ZNF668: variants seen among roughly 807,000 people sequenced by gnomAD.
The protein encoded by ZNF668 is zinc finger protein 668.
A neutral mutation model predicts 40.3 loss-of-function variants in ZNF668; 10 were observed. The observed-to-expected ratio is 0.25, with a 90% CI of 0.15 to 0.42. The LOEUF (loss-of-function observed/expected upper bound fraction) is 0.42. Ranked by LOEUF, ZNF668 falls within the 10% of genes least tolerant of loss-of-function variation. The probability of loss-of-function intolerance (pLI) is 1.00; values close to 1 mark genes in which losing one functional copy is unlikely to be tolerated. For synonymous variants in ZNF668, 428 were observed against 384.6 expected, an observed-to-expected ratio of 1.11 and a Z score of -1.32; for missense variants, 749 against 904.6, an observed-to-expected ratio of 0.83 and a Z score of 2.21.
rs2056933365 is a variant in ZNF668 at position 31,062,082 on chromosome 16, G to A, written c.846C>T (p.Cys282=). The part of the protein sequence containing the change: ...RTHSGEKPFL[C]PRCGRMFSDP... ...CGGAGAACATGCGGCCGCAGCGCGG[G>A]CACAGGAAGGGCTTCTCCCCCGAGT... The change falls in exon 3 of 3, where the codon TGC becomes TGT. Residue 282 remains cysteine (C), a synonymous_variant. Coordinates refer to ENST00000300849, the MANE Select transcript of ZNF668 (RefSeq NM_024706.5). The A allele has an allele frequency of 1.2e-6, 2 of 1,612,676 alleles. No individual in the cohort carries two copies. Among genetic ancestry groups the A allele is most frequent in the Non-Finnish European group, 8.5e-7 (1 of 1,179,510 alleles).
rs1275476087 is a variant in ZNF668, at chr16:31,061,061, A to T, written c.*7T>A. On this transcript the variant is annotated 3_prime_UTR_variant, in exon 3 of 3. Transcript: ENST00000300849. This position sits in a 1 kb window ranked among gnomAD's most constrained non-coding sequence, Gnocchi z 7.7. ...TCCCGGAGTGTGGTGCTGGGGGGTC[A>T]TGGGCTTCAGGCCGGCCCCTCTTCA... 6.7e-7 allele frequency: 1 copy of T among 1,486,676 alleles called. No individual in the cohort carries two copies. The highest frequency in any genetic ancestry group is 8.9e-7 in the Non-Finnish European group (1 of 1,120,742). The allele number at this position is 1,486,676 out of a possible 1,614,324, so 92.1% of individuals were successfully genotyped here.
intron 1 of ZNF668, chr16:31,065,192 T>C: frequency 1.1e-6 from 1 of 950,194 alleles, no homozygotes; most frequent in Non-Finnish European, 1.3e-6. Context: ...GAAGCCTCTT[T>C]CTGAGTCATA....
At chr16:31,072,761 G>A (rs2057024924) in intron 1 of ZNF668, 1 of 152,404 alleles carries the variant, frequency 6.6e-6, no homozygotes, top group African/African-American at 2.4e-5. Context: ...CAGCTCCAGC[G>A]ACAGAGTCCT....
At chr16:31,066,245 C>G in intron 1 of ZNF668, 2 of 985,458 alleles carry the variant, frequency 2.0e-6, no homozygotes, top group African/African-American at 1.7e-5. Flanking sequence ...ATGCAAATCC[C>G]CAGGTCCTTC....
In ZNF668 at chr16:31,061,335, C is replaced by T. The variant is rs760791449; in HGVS notation, c.1593G>A (p.Leu531=). 4.4e-6 allele frequency: 7 copies of T among 1,603,378 alleles called. No individual in the cohort carries two copies. In the African/African-American group the frequency reaches 6.7e-5, roughly 15 times the overall value. ...CCGGGTGTGAGCGCTCGTGCCGACG[C>T]AGCAGCGTCATTGTGGAGAAGGTCT... ...CKETFSTMTL[L]RRHERSHPEL... The change falls in exon 3 of 3, where the codon CTG becomes CTA. Residue 531 remains leucine, a synonymous_variant. Coordinates refer to ENST00000300849, the MANE Select transcript of ZNF668 (RefSeq NM_024706.5). This position sits in a 1 kb window ranked among gnomAD's most constrained non-coding sequence, Gnocchi z 7.7.
intron 1 of ZNF668, among the ~76,000 whole-genome samples, chr16:31,071,197 G>A (rs2057014154): frequency 6.8e-6 from 1 of 146,408 alleles, no homozygotes; most frequent in Admixed American, 6.7e-5. Flanking sequence ...TTGAGAGAAA[G>A]TCTTTGTTGC....
At chr16:31,072,328 C>T (rs527284687) in intron 1 of ZNF668, among the ~76,000 whole-genome samples, 1 of 152,310 alleles carries the variant, frequency 6.6e-6, no homozygotes, top group South Asian at 2.1e-4. Context: ...TAGCCTCTGC[C>T]TCCTCCACAG....
At chr16:31,063,551 A>G (rs1186644534) in intron 2 of ZNF668, among the ~76,000 whole-genome samples, 1 of 151,468 alleles carries the variant, frequency 6.6e-6, no homozygotes, top group East Asian at 1.9e-4. Context: ...CCAACTCCAA[A>G]CCCCGCCCCC....
chr16:31,066,511 C>A (rs925891318), intron 1 of ZNF668: 1 of 330,520 alleles, frequency 3.0e-6, no homozygotes, highest in Admixed American at 6.5e-5. Context: ...GAACTATGAT[C>A]GTACCACTGC....
At chr16:31,068,215 A>C (rs1596756998) in intron 1 of ZNF668, among the ~76,000 whole-genome samples, 2 of 78,718 alleles carry the variant, frequency 2.5e-5, no homozygotes, top group African/African-American at 5.4e-5. Context: ...CTAACATCCC[A>C]CCATTAAAAA....
intron 1 of ZNF668, chr16:31,064,758 AC>A: frequency 6.6e-7 from 1 of 1,506,514 alleles, no homozygotes. Flanking sequence ...GCTTTTCCAA[AC>A]ACTGTGGCAT....
intron 1 of ZNF668, chr16:31,065,124 C>T (rs2056971805): frequency 9.9e-7 from 1 of 1,006,990 alleles, no homozygotes; most frequent in Admixed American, 5.2e-5. Flanking sequence ...TTGGCCTGTT[C>T]CCACAACTCT....
At chr16:31,066,519 T>C (rs935998995) in intron 1 of ZNF668, among the ~76,000 whole-genome samples, 1 of 152,138 alleles carries the variant, frequency 6.6e-6, no homozygotes, top group Non-Finnish European at 1.5e-5. Context: ...ATCGTACCAC[T>C]GCGCTCCAGC....
At chr16:31,068,189 T>G (rs1321921214) in intron 1 of ZNF668, among the ~76,000 whole-genome samples, 2 of 126,746 alleles carry the variant, frequency 1.6e-5, no homozygotes, top group Non-Finnish European at 3.1e-5. Flanking sequence ...AGAGGCCAGG[T>G]AGGCTAGGTC....
intron 2 of ZNF668, 52 bp from the exon 3 acceptor site, chr16:31,062,332 C>A: frequency 6.5e-7 from 1 of 1,536,510 alleles, no homozygotes; most frequent in East Asian, 2.3e-5. Flanking sequence ...ATAACGTGAC[C>A]CCACTGCCTG....
rs1420760213 is a variant in ZNF668, at chr16:31,064,261, C to G, written c.199G>C (p.Glu67Gln). Residue 67 changes from glutamate (E) to glutamine (Q), a missense_variant, in exon 2 of 3, where the codon GAG (glutamate) becomes CAG (glutamine). Glu to Gln is a conservative substitution (Grantham distance 29). Coordinates refer to ENST00000300849, the MANE Select transcript of ZNF668 (RefSeq NM_024706.5). ...KPKPETEAKA[E>Q]EASGEKVSGS... The stretch of plus-strand genomic sequence containing the variant: ...GACACCTTCTCCCCACTGGCTTCCT[C>G]TGCCTTAGCTTCTGTCTCTGGCTTT... 1 of 1,613,758 alleles carries G rather than the reference C, an allele frequency of 6.2e-7. No homozygotes were observed. The highest frequency in any genetic ancestry group is 8.5e-7 in the Non-Finnish European group (1 of 1,180,030).
Position 31,061,286 on chromosome 16 carries a change from G to T in ZNF668, c.1642C>A (p.Gln548Lys). The change falls in exon 3 of 3, where the codon CAG becomes AAG. Residue 548 changes from glutamine to lysine, a missense_variant. By Grantham distance (53) the Gln-to-Lys change is moderately conservative (BLOSUM62 1). This residue lies in a region of ZNF668 where 310 missense variants were observed against 355.1 expected (regional missense o/e 0.87). Transcript: ENST00000300849. The surrounding 1 kb of genome is among the most constrained non-coding windows in gnomAD (Gnocchi z 7.7). ...HPELRPFPCT[Q>K]CGKSFSDRAG... ...CGGTCAGAGAAGCTCTTGCCGCACT[G>T]GGTGCAGGGGAAGGGCCGGAGCTCC... The T allele has an allele frequency of 6.4e-7, 1 of 1,562,686 alleles. No individual in the cohort carries two copies. Among genetic ancestry groups the T allele is most frequent in the African/African-American group, 1.4e-5 (1 of 73,760 alleles).
rs1251115162 is a variant in ZNF668 at position 31,061,990 on chromosome 16, C to T, written c.938G>A (p.Cys313Tyr). Reference protein sequence around the residue: ...EGVKPYHCEKCGKDFRQPADL... With the variant: ...EGVKPYHCEKYGKDFRQPADL... ...CGCCGGCTGCCGGAAGTCCTTGCCG[C>T]ACTTCTCGCAGTGGTATGGCTTCAC... is the stretch of plus-strand genomic sequence containing the variant. The change falls in exon 3 of 3, where the codon TGC becomes TAC. Residue 313 changes from cysteine to tyrosine, a missense_variant. Cys to Tyr is a radical substitution (Grantham distance 194). Around this residue, in one of 4 missense-constraint regions of ZNF668, gnomAD observed 129 missense variants for 231.2 expected, o/e 0.56. Coordinates refer to ENST00000300849, the MANE Select transcript of ZNF668 (RefSeq NM_024706.5). This position sits in a 1 kb window ranked among gnomAD's most constrained non-coding sequence, Gnocchi z 7.7. The T allele has an allele frequency of 6.2e-7, 1 of 1,613,794 alleles. No individual in the cohort carries two copies. The highest frequency in any genetic ancestry group is 8.5e-7 in the Non-Finnish European group (1 of 1,179,870).
At chr16:31,065,985 A>G (rs2056979145) in intron 1 of ZNF668, 24 of 980,032 alleles carry the variant, frequency 2.4e-5, no homozygotes, top group Non-Finnish European at 2.9e-5. Context: ...AAATACAGAG[A>G]CTCAGGGCCC....
Sources: gnomAD v4.1 joint callset for allele counts (sites outside exome capture counted in the v4.1 genomes callset) on GRCh38, gnomAD v4.1.1 for gene constraint, gnomAD v4.1.1 regional missense constraint, Gnocchi (gnomAD v3.1) non-coding constraint, MANE v1.5 for transcripts, NCBI Gene and HGNC (gene_info 2026-07-23, HGNC 2026-07-21) for gene names.